Variants in CAV2 observed in about 807,000 individuals in gnomAD.
CAV2 encodes caveolin-2.
CAV2 carries 7 observed loss-of-function variants against 15.5 expected under a neutral mutation model. The observed-to-expected ratio is 0.45, with a 90% confidence interval of 0.26 to 0.85. CAV2 has a LOEUF of 0.85. CAV2 is among the 40% of genes least tolerant of loss of function. CAV2 has a pLI of 0.18. For synonymous variants in CAV2, 76 were observed against 83.1 expected (o/e 0.91, Z 0.46); for missense variants, 229 against 208.8 (o/e 1.10, Z -0.60).
chr7:116,503,896 AGG>A (rs1563085907), intron 2 of CAV2, among the ~76,000 whole-genome samples: 7 of 58,758 alleles, frequency 1.2e-4, no homozygotes, highest in Non-Finnish European at 2.4e-4. Flanking sequence ...AGAGGGAGGG[AGG>A]GAGGGAGGGA....
chr7:116,502,557 A>G (rs1167908963), intron 2 of CAV2, among the ~76,000 whole-genome samples: 3 of 152,238 alleles, frequency 2.0e-5, no homozygotes, highest in African/African-American at 4.8e-5. Flanking sequence ...GACAGACCTT[A>G]CAGAATTGCA....
intron 2 of CAV2, among the ~76,000 whole-genome samples, chr7:116,505,148 A>G (rs1177522830): frequency 6.6e-6 from 1 of 152,212 alleles, no homozygotes; most frequent in Non-Finnish European, 1.5e-5. Flanking sequence ...ACAATGAGGG[A>G]ATATCCGATC....
intron 2 of CAV2, among the ~76,000 whole-genome samples, chr7:116,505,324 A>G (rs1219278798): frequency 1.3e-5 from 2 of 152,228 alleles, no homozygotes; most frequent in Admixed American, 6.5e-5. Flanking sequence ...TTCAGATAGC[A>G]TGCCACCAGT....
chr7:116,507,924 T>C lies in CAV2; in HGVS notation c.*1803T>C, dbSNP rs1399039229. The C allele has an allele frequency of 6.6e-6, 1 of 152,148 alleles. No individual in the cohort carries two copies. The highest frequency in any genetic ancestry group is 1.5e-5 in the Non-Finnish European group (1 of 68,016). The allele number at this position is 152,148 out of a possible 1,614,324, so 9.4% of individuals were successfully genotyped here. On this transcript the variant is annotated 3_prime_UTR_variant, in exon 3 of 3. Coordinates refer to ENST00000222693, the MANE Select transcript of CAV2 (RefSeq NM_001233.5). Reference sequence around the variant, plus strand: ...CAGGACTGGTGAATATAAATGATGATTGAACTGGAATAATATTGGGGACCA... The same window carrying C: ...CAGGACTGGTGAATATAAATGATGACTGAACTGGAATAATATTGGGGACCA...
chr7:116,501,789 A>G (rs1185995377), intron 2 of CAV2, among the ~76,000 whole-genome samples: 3 of 152,254 alleles, frequency 2.0e-5, no homozygotes. Context: ...AAGGATACAC[A>G]AAGAACACCA....
chr7:116,500,658 T>G, intron 2 of CAV2: 1 of 564,518 alleles, frequency 1.8e-6, no homozygotes, highest in Non-Finnish European at 3.1e-6. Flanking sequence ...GGAGAAAGAA[T>G]GTCGGTCTTT....
rs926580411 is a variant in CAV2 at position 116,508,229 on chromosome 7, T to A, written c.*2108T>A. 2 of 152,236 alleles carry A rather than the reference T, an allele frequency of 1.3e-5. No homozygotes were observed. Among genetic ancestry groups the A allele is most frequent in the Non-Finnish European group, 2.9e-5 (2 of 68,036 alleles). The allele number at this position is 152,236 out of a possible 1,614,324, so 9.4% of individuals were successfully genotyped here. A position where few individuals can be genotyped will look rare whatever the true frequency, so the allele number is the denominator to read the frequency against. ...AACATTTGATTAATAAAATATCTAT[T>A]TGAATAAATTATGAGCTATCCTTTC... On this transcript the variant is annotated 3_prime_UTR_variant, in exon 3 of 3. Coordinates refer to ENST00000222693, the MANE Select transcript of CAV2 (RefSeq NM_001233.5).
In CAV2 at chr7:116,499,916, C is replaced by G. The variant is rs1445887170; in HGVS notation, c.135C>G (p.Leu45=). ...ACCAGGACCGGGATCCCCACCGGCT[C>G]AACTCGCATCTCAAGGTGAAGCCCG... ...DSDQDRDPHR[L]NSHLKLGFED... is the part of the protein sequence containing the mutation. The change falls in exon 1 of 3, where the codon CTC becomes CTG. Residue 45 remains leucine (L), a synonymous_variant. Coordinates refer to ENST00000222693, the MANE Select transcript of CAV2 (RefSeq NM_001233.5). 9 of 1,611,584 alleles carry G rather than the reference C, an allele frequency of 5.6e-6. No individual in the cohort carries two copies. Among genetic ancestry groups the G allele is most frequent in the Non-Finnish European group, 7.6e-6 (9 of 1,179,396 alleles).
chr7:116,500,209 G>T, intron 1 of CAV2, 51 bp from the exon 2 acceptor site: 1 of 1,581,200 alleles, frequency 6.3e-7, no homozygotes, highest in South Asian at 1.2e-5. Context: ...CCCGGTTCCC[G>T]GGGCGTCAGG....
chr7:116,503,871 AAG>A (rs1404414455), intron 2 of CAV2, among the ~76,000 whole-genome samples: 64 of 104,492 alleles, frequency 6.1e-4, no homozygotes, highest in Non-Finnish European at 9.3e-4. Context: ...GGGGAGAAGA[AAG>A]AGAGAAAGAA....
chr7:116,505,947 C>T, intron 2 of CAV2, 24 bp from the exon 3 acceptor site: 1 of 1,569,420 alleles, frequency 6.4e-7, no homozygotes, highest in Non-Finnish European at 8.8e-7. Context: ...ACAATCCTCA[C>T]ACATCTCTCT....
At chr7:116,505,865 C>T (rs1430164033) in intron 2 of CAV2, 106 bp from the exon 3 acceptor site, 1 of 715,686 alleles carries the variant, frequency 1.4e-6, no homozygotes, top group Non-Finnish European at 2.2e-6. Flanking sequence ...AACTCTCAAC[C>T]AAATTTAAGT....
At chr7:116,501,918 G>A (rs1793114586) in intron 2 of CAV2, among the ~76,000 whole-genome samples, 1 of 152,186 alleles carries the variant, frequency 6.6e-6, no homozygotes, top group Admixed American at 6.5e-5. Flanking sequence ...CAAATGGATA[G>A]TTATATTCTG....
rs553121428 is a variant in CAV2 at position 116,499,775 on chromosome 7, G to A, written c.-7G>A. 40 of 1,546,562 alleles carry A rather than the reference G, an allele frequency of 2.6e-5. No individual in the cohort carries two copies. In the East Asian group the frequency reaches 9.1e-4, roughly 35 times the overall value. ...CCGGGCTGCAGCGGCCGCGCACCAA[G>A]GCTGCGATGGGGCTGGAGACGGAGA... On this transcript the variant is annotated 5_prime_UTR_variant, in exon 1 of 3. Transcript: ENST00000222693.
In CAV2 at chr7:116,499,910, C is replaced by G. The variant is rs368494243; in HGVS notation, c.129C>G (p.His43Gln). Residue 43 changes from histidine to glutamine, a missense_variant, in exon 1 of 3, where the codon CAC becomes CAG. Coordinates refer to ENST00000222693, the MANE Select transcript of CAV2 (RefSeq NM_001233.5). The stretch of plus-strand genomic sequence containing the variant: ...ACTCGGACCAGGACCGGGATCCCCA[C>G]CGGCTCAACTCGCATCTCAAGGTGA... ...FADSDQDRDP[H>Q]RLNSHLKLGF... 1 of 1,611,888 alleles carries G rather than the reference C, an allele frequency of 6.2e-7. No homozygotes were observed. The highest frequency in any genetic ancestry group is 8.5e-7 in the Non-Finnish European group (1 of 1,179,476).
In CAV2 at chr7:116,507,281, T is replaced by C. The variant is rs1348103318; in HGVS notation, c.*1160T>C. ...AACAGCTACAAACTTTTAAGATTTC[T>C]CTAATATTGGTATGTAACACAGGAT... is the stretch of plus-strand genomic sequence containing the variant. On this transcript the variant is annotated 3_prime_UTR_variant, in exon 3 of 3. Transcript: ENST00000222693. 1 of 152,260 alleles carries C rather than the reference T, an allele frequency of 6.6e-6. No homozygotes were observed. Among genetic ancestry groups the C allele is most frequent in the Non-Finnish European group, 1.5e-5 (1 of 68,034 alleles). 9.4% of individuals were successfully genotyped at this position (152,260 alleles called of 1,614,324 possible).
chr7:116,500,581 G>A, intron 2 of CAV2, 134 bp downstream of exon 2: 1 of 776,414 alleles, frequency 1.3e-6, no homozygotes, highest in East Asian at 2.6e-5. Context: ...GCAGTAGGAA[G>A]AACTGGAAGG....
At position 116,507,989 on chromosome 7, in the gene CAV2, T is replaced by C. The variant is rs865876030; in HGVS notation, c.*1868T>C. The C allele has an allele frequency of 2.6e-5, 4 of 152,348 alleles. No individual in the cohort carries two copies. Among genetic ancestry groups the C allele is most frequent in the South Asian group, 4.1e-4 (2 of 4,834 alleles). The allele number at this position is 152,348 out of a possible 1,614,324, so 9.4% of individuals were successfully genotyped here. On this transcript the variant is annotated 3_prime_UTR_variant, in exon 3 of 3. Transcript: ENST00000222693. Reference sequence around the variant, plus strand: ...TTAAATTATGAAGCTCATATCCTTTTGAAGGTAGTTGCAAAGAGACATTTC... The same window carrying C: ...TTAAATTATGAAGCTCATATCCTTTCGAAGGTAGTTGCAAAGAGACATTTC...
intron 2 of CAV2, 63 bp downstream of exon 2, chr7:116,500,510 C>A: frequency 6.7e-7 from 1 of 1,488,518 alleles, no homozygotes; most frequent in Non-Finnish European, 9.2e-7. Context: ...CCGCCACCTG[C>A]CCCCTACTCT....
Sources: allele counts gnomAD v4.1 joint callset (sites outside exome capture counted in the v4.1 genomes callset), GRCh38; gene constraint gnomAD v4.1.1; transcripts MANE v1.5; gene names NCBI Gene and HGNC (gene_info 2026-07-23, HGNC 2026-07-21).